ABCA13: variants seen among roughly 807,000 people sequenced by gnomAD.
ABCA13 encodes ATP binding cassette subfamily A member 13, also known as ATP-binding cassette sub-family A member 13.
Under a neutral mutation model 478.7 loss-of-function variants are expected in ABCA13, and 476 were observed. That is an observed-to-expected ratio of 0.99 (90% CI 0.92 to 1.07). The LOEUF is 1.07. Among genes scored for constraint, ABCA13 ranks in the 50% least tolerant of loss-of-function variants. The pLI is 0.00. For missense variants in ABCA13, 6,060 were observed against 5,910.6 expected, an observed-to-expected ratio of 1.03 and a Z score of -0.83; for synonymous variants, 2,252 against 2,158.9, an observed-to-expected ratio of 1.04 and a Z score of -1.20.
intron 35 of ABCA13, among the ~76,000 whole-genome samples, chr7:48,377,464 T>C (rs1429859739): frequency 2.0e-5 from 3 of 152,288 alleles, no homozygotes; most frequent in African/African-American, 4.8e-5. Context: ...TCTAATCTTA[T>C]ACAAATGAAA....
chr7:48,268,261 A>G (rs1340118156), intron 15 of ABCA13, among the ~76,000 whole-genome samples: 1 of 151,926 alleles, frequency 6.6e-6, no homozygotes, highest in East Asian at 1.9e-4. Context: ...GGTTCAAACA[A>G]TTCTCCTGCC....
intron 5 of ABCA13, among the ~76,000 whole-genome samples, chr7:48,224,454 T>A (rs1465651781): frequency 6.6e-6 from 1 of 152,190 alleles, no homozygotes. Flanking sequence ...CAAGCCAGCA[T>A]GGCCTGTGCA....
At chr7:48,446,085 G>A (rs180711577) in intron 42 of ABCA13, among the ~76,000 whole-genome samples, 6 of 152,186 alleles carry the variant, frequency 3.9e-5, no homozygotes, top group African/African-American at 7.2e-5. Context: ...TACTTTGTTC[G>A]GAATGTAGTT....
At chr7:48,190,234 C>T (rs1796914795) in intron 1 of ABCA13, among the ~76,000 whole-genome samples, 1 of 152,040 alleles carries the variant, frequency 6.6e-6, no homozygotes, top group Admixed American at 6.5e-5. Flanking sequence ...GCAATGGTAC[C>T]TCACGGATCT....
rs374523272 is a variant in ABCA13, at chr7:48,244,625, T to A, written c.1312T>A (p.Trp438Arg). Residue 438 changes from tryptophan (W) to arginine (R), a missense_variant, in exon 11 of 62, where the codon TGG becomes AGG. Physicochemically the swap from Trp to Arg is moderately radical, Grantham distance 101. This residue lies in a region of ABCA13 where 4,423 missense variants were observed against 4,309.1 expected (regional missense o/e 1.03). Coordinates refer to ENST00000435803, the MANE Select transcript of ABCA13 (RefSeq NM_152701.5). The part of the protein sequence containing the change: ...LQSLLQNLPQ[W>R]PALKRFLQLD... ...AAGCTTGCTGCAAAACCTGCCCCAG[T>A]GGCCGGCACTGAAGAGATTTCTTCA... 1.2e-5 allele frequency: 19 copies of A among 1,613,428 alleles called. No homozygotes were observed. The African/African-American group carries it at 2.5e-4, about 22-fold the overall frequency.
rs759451383 is a variant in ABCA13, at chr7:48,372,358, G to A, written c.10994G>A (p.Ser3665Asn). ...LDFGMSVVML[S>N]YLLSAFFSQA... ...TTTGGGATGTCAGTCGTCATGCTGA[G>A]CTACCTCTTGAGTGCATTTTTCAGC... The change falls in exon 33 of 62, where the codon AGC (serine) becomes AAC (asparagine). Residue 3665 changes from serine to asparagine, a missense_variant. Physicochemically the swap from Ser to Asn is conservative, Grantham distance 46. Transcript: ENST00000435803. 4 of 1,613,854 alleles carry A rather than the reference G, an allele frequency of 2.5e-6. No individual in the cohort carries two copies. In the South Asian group the frequency reaches 4.4e-5, roughly 18 times the overall value.
intron 3 of ABCA13, among the ~76,000 whole-genome samples, chr7:48,214,420 A>G (rs1319630723): frequency 6.6e-6 from 1 of 152,210 alleles, no homozygotes; most frequent in African/African-American, 2.4e-5. Flanking sequence ...GCCCCTAACA[A>G]GAGAGTCAGC....
intron 41 of ABCA13, among the ~76,000 whole-genome samples, chr7:48,422,827 C>T (rs1053544294): frequency 2.0e-5 from 3 of 152,014 alleles, no homozygotes; most frequent in Admixed American, 1.3e-4. Context: ...AAAGGGGGAT[C>T]GAGGAAGGTC....
chr7:48,320,044 C>T (rs749399985), intron 27 of ABCA13, among the ~76,000 whole-genome samples: 2 of 152,078 alleles, frequency 1.3e-5, no homozygotes, highest in Non-Finnish European at 2.9e-5. Context: ...GGAGGTCAAG[C>T]ATTTTCATGA....
intron 40 of ABCA13, among the ~76,000 whole-genome samples, chr7:48,411,428 C>G (rs544230405): frequency 6.6e-6 from 1 of 151,968 alleles, no homozygotes; most frequent in African/African-American, 2.4e-5. Context: ...CTGCCTCAGC[C>G]TCCCGAGTAG....
At position 48,278,971 on chromosome 7, in the gene ABCA13, C is replaced by T; in HGVS notation, c.7777C>T (p.Pro2593Ser). The change falls in exon 18 of 62, where the codon CCA (proline) becomes TCA (serine). Residue 2593 changes from proline (P) to serine (S), a missense_variant. Coordinates refer to ENST00000435803, the MANE Select transcript of ABCA13 (RefSeq NM_152701.5). ...TFEKINDLLV[P>S]FLDLAFEMIG... ...TGAAAAGATAAATGATTTGTTGGTGCCATTTCTTGACTTGGCCTTTGAAAT... is the reference window on the plus strand; with the variant it reads ...TGAAAAGATAAATGATTTGTTGGTGTCATTTCTTGACTTGGCCTTTGAAAT... The T allele has an allele frequency of 6.2e-7, 1 of 1,613,284 alleles. No individual in the cohort carries two copies. Among genetic ancestry groups the T allele is most frequent in the Non-Finnish European group, 8.5e-7 (1 of 1,179,798 alleles).
intron 43 of ABCA13, among the ~76,000 whole-genome samples, chr7:48,459,215 T>A (rs539183550): frequency 6.6e-6 from 1 of 152,288 alleles, no homozygotes; most frequent in African/African-American, 2.4e-5. Flanking sequence ...CAGCTGCACC[T>A]GCTTGCAGAC....
intron 36 of ABCA13, among the ~76,000 whole-genome samples, chr7:48,388,201 G>A (rs562484185): frequency 3.9e-4 from 60 of 152,030 alleles, no homozygotes; most frequent in African/African-American, 1.3e-3. Flanking sequence ...ATTATTTAGC[G>A]TCCTCCCCTC....
chr7:48,298,830 A>C (rs1423630065), intron 23 of ABCA13, among the ~76,000 whole-genome samples: 1 of 152,174 alleles, frequency 6.6e-6, no homozygotes, highest in Non-Finnish European at 1.5e-5. Flanking sequence ...GGTGTTGCAA[A>C]ATTCTTAAAA....
At chr7:48,265,582 G>A (rs1247661828) in intron 15 of ABCA13, among the ~76,000 whole-genome samples, 1 of 151,058 alleles carries the variant, frequency 6.6e-6, no homozygotes, top group East Asian at 1.9e-4. Context: ...ATAATTTGTT[G>A]CTCATACAAA....
rs959005748 is a variant in ABCA13, at chr7:48,604,545, G to A, written c.14744+9732G>A. Among the ~76,000 whole-genome samples, 6 of 152,296 alleles carry A rather than the reference G, an allele frequency of 3.9e-5. No homozygotes were observed. The East Asian group carries it at 7.7e-4, about 20-fold the overall frequency. On this transcript the variant is annotated intron_variant, in intron 58 of 61. Transcript: ENST00000435803. The stretch of plus-strand genomic sequence containing the variant: ...TTTCCATGTAGTTGTGCGGTTTTGA[G>A]TGAGTTTCTTAATCCTGAGTTCTAA...
chr7:48,440,354 T>C (rs1823413371), intron 42 of ABCA13, among the ~76,000 whole-genome samples: 1 of 152,148 alleles, frequency 6.6e-6, no homozygotes, highest in Admixed American at 6.6e-5. Flanking sequence ...AAAGGAATCA[T>C]ACAGTATATA....
rs1302187787 is a variant in ABCA13, at chr7:48,272,874, A to G, written c.3208A>G (p.Ile1070Val). The G allele has an allele frequency of 6.2e-7, 1 of 1,607,762 alleles. No individual in the cohort carries two copies. The change falls in exon 17 of 62, where the codon ATA becomes GTA. Residue 1070 changes from isoleucine (I) to valine (V), a missense_variant. Physicochemically the swap from Ile to Val is conservative, Grantham distance 29. Transcript: ENST00000435803. ...TTTGACAGGCCTCAAACAGCTGCTCATAATTGATGAAGATTTTCGTATTTC... is the reference window on the plus strand; with the variant it reads ...TTTGACAGGCCTCAAACAGCTGCTCGTAATTGATGAAGATTTTCGTATTTC... ...TTLTGLKQLL[I>V]IDEDFRISLF...
At chr7:48,355,189 G>A (rs1809690260) in intron 31 of ABCA13, among the ~76,000 whole-genome samples, 2 of 152,116 alleles carry the variant, frequency 1.3e-5, no homozygotes, top group South Asian at 4.1e-4. Context: ...AATAGGATGA[G>A]CAGGGTCAGG....
Sources: gnomAD v4.1 joint callset for allele counts (sites outside exome capture counted in the v4.1 genomes callset) on GRCh38, gnomAD v4.1.1 for gene constraint, gnomAD v4.1.1 regional missense constraint, MANE v1.5 for transcripts, NCBI Gene and HGNC (gene_info 2026-07-23, HGNC 2026-07-21) for gene names.